PTPRO: variants seen among roughly 807,000 people sequenced by gnomAD.
PTPRO encodes the protein receptor-type tyrosine-protein phosphatase O.
A neutral mutation model predicts 145.2 loss-of-function variants in PTPRO; 62 were observed. That is an observed-to-expected ratio of 0.43 (90% CI 0.35 to 0.53). The LOEUF (loss-of-function observed/expected upper bound fraction) is 0.53, where lower values mean the gene tolerates loss of function less well. Among genes scored for constraint, PTPRO ranks in the 20% least tolerant of loss-of-function variants. PTPRO has a pLI of 0.01. For synonymous variants in PTPRO, 565 were observed against 514.7 expected (o/e 1.10, Z -1.32); for missense variants, 1,345 against 1,482.7 (o/e 0.91, Z 1.53).
chr12:15,369,578 C>A (rs759533015), intron 1 of PTPRO, among the ~76,000 whole-genome samples: 4 of 152,260 alleles, frequency 2.6e-5, no homozygotes, highest in South Asian at 4.1e-4. Flanking sequence ...TGATACCTAA[C>A]GTAAACTACA....
intron 13 of PTPRO, among the ~76,000 whole-genome samples, 179 bp from the exon 14 acceptor site, chr12:15,548,915 A>G (rs960799609): frequency 2.0e-5 from 3 of 152,166 alleles, no homozygotes; most frequent in Admixed American, 6.6e-5. Context: ...TGCTGCTTCC[A>G]TGGAAGGGAA....
intron 12 of PTPRO, among the ~76,000 whole-genome samples, chr12:15,532,188 G>T (rs547625993): frequency 6.6e-6 from 1 of 152,116 alleles, no homozygotes; most frequent in African/African-American, 2.4e-5. Flanking sequence ...AATTGTATAG[G>T]TAATTTGGAA....
chr12:15,577,991 C>T (rs1944223785), intron 19 of PTPRO, among the ~76,000 whole-genome samples: 1 of 152,172 alleles, frequency 6.6e-6, no homozygotes, highest in African/African-American at 2.4e-5. Flanking sequence ...CATCAGTTCA[C>T]CTTCTGAAAT....
chr12:15,518,043 G>A (rs1942636262), intron 9 of PTPRO, among the ~76,000 whole-genome samples: 1 of 152,218 alleles, frequency 6.6e-6, no homozygotes, highest in Non-Finnish European at 1.5e-5. Context: ...CTAGCAGAGG[G>A]CATGAGGTCC....
chr12:15,516,737 T>A, intron 8 of PTPRO, 26 bp from the exon 9 acceptor site: 2 of 1,566,486 alleles, frequency 1.3e-6, no homozygotes, highest in Non-Finnish European at 1.8e-6. Flanking sequence ...ACTTTCTTTT[T>A]CTACCCCCTG....
At position 15,547,659 on chromosome 12, in the gene PTPRO, C is replaced by G. The variant is rs143411067; in HGVS notation, c.2304+951C>G. On this transcript the variant is annotated intron_variant, in intron 13 of 26. Transcript: ENST00000281171. Reference sequence around the variant, plus strand: ...GCTGAATTTTCTCTATTCTAAGAATCCTTTTGGAAAATAACTGCTCTGCCA... The same window carrying G: ...GCTGAATTTTCTCTATTCTAAGAATGCTTTTGGAAAATAACTGCTCTGCCA... Among the ~76,000 whole-genome samples the G allele has an allele frequency of 3.1e-4, 47 of 152,244 alleles. No homozygotes were observed. The East Asian group carries it at 7.5e-3, about 24-fold the overall frequency.
At chr12:15,511,950 C>A (rs909107267) in intron 7 of PTPRO, among the ~76,000 whole-genome samples, 7 of 152,196 alleles carry the variant, frequency 4.6e-5, no homozygotes, top group Non-Finnish European at 8.8e-5. Context: ...AAGAAAGGAA[C>A]CTTAACATCA....
intron 1 of PTPRO, among the ~76,000 whole-genome samples, chr12:15,448,790 A>G (rs190627151): frequency 2.0e-5 from 3 of 152,286 alleles, no homozygotes; most frequent in Non-Finnish European, 4.4e-5. Flanking sequence ...CTGTTGATTG[A>G]AAAATTGATT....
At chr12:15,445,525 A>G (rs1480013960) in intron 1 of PTPRO, among the ~76,000 whole-genome samples, 1 of 152,144 alleles carries the variant, frequency 6.6e-6, no homozygotes. Context: ...TTAAAGCATT[A>G]TGTGTCAAAA....
At chr12:15,394,686 G>A (rs1293184694) in intron 1 of PTPRO, among the ~76,000 whole-genome samples, 5 of 152,188 alleles carry the variant, frequency 3.3e-5, no homozygotes, top group African/African-American at 1.2e-4. Flanking sequence ...ATGGGACAAG[G>A]TGGGGATGCA....
chr12:15,367,993 C>G (rs998857156), intron 1 of PTPRO, among the ~76,000 whole-genome samples: 2 of 152,182 alleles, frequency 1.3e-5, no homozygotes, highest in Non-Finnish European at 2.9e-5. Context: ...AGACTGCTTA[C>G]TTTACTCATT....
chr12:15,526,033 C>T (rs1942830011), intron 11 of PTPRO, 109 bp from the exon 12 acceptor site: 3 of 1,350,574 alleles, frequency 2.2e-6, no homozygotes, highest in Non-Finnish European at 3.2e-6. Flanking sequence ...TTGCAGACTG[C>T]TGCATAGAAC....
intron 19 of PTPRO, among the ~76,000 whole-genome samples, chr12:15,573,742 C>A (rs1944114084): frequency 6.6e-6 from 1 of 152,148 alleles, no homozygotes; most frequent in Non-Finnish European, 1.5e-5. Context: ...TATTACCAGT[C>A]CTCAGTCCCA....
At chr12:15,442,907 C>A (rs74495456) in intron 1 of PTPRO, among the ~76,000 whole-genome samples, 7,578 of 152,100 alleles carry the variant, frequency 0.05, 579 homozygotes, top group African/African-American at 0.16. Context: ...CCAAAGCAAT[C>A]TACACTTTTA....
chr12:15,501,668 A>G lies in PTPRO; in HGVS notation c.710A>G (p.Lys237Arg), dbSNP rs1176140921. The G allele has an allele frequency of 1.2e-6, 2 of 1,613,946 alleles. No homozygotes were observed. Among genetic ancestry groups the G allele is most frequent in the Non-Finnish European group, 1.7e-6 (2 of 1,179,976 alleles). The change falls in exon 5 of 27, where the codon AAA (lysine) becomes AGA (arginine). Residue 237 changes from lysine (K) to arginine (R), a missense_variant. This residue lies in a region of PTPRO where 1,130 missense variants were observed against 1,214.7 expected (regional missense o/e 0.93). Coordinates refer to ENST00000281171, the MANE Select transcript of PTPRO (RefSeq NM_030667.3). The stretch of plus-strand genomic sequence containing the variant: ...TCCGTTCGTATCGTAAACTTGAACA[A>G]AAACAACTGGGAAGAACAGAGTGGC... ...NISVRIVNLN[K>R]NNWEEQSGNF...
chr12:15,432,910 A>C (rs1213463860), intron 1 of PTPRO, among the ~76,000 whole-genome samples: 2 of 152,148 alleles, frequency 1.3e-5, no homozygotes, highest in African/African-American at 2.4e-5. Context: ...TCTTTGTCAG[A>C]TACACAGTTT....
intron 12 of PTPRO, among the ~76,000 whole-genome samples, chr12:15,538,191 C>T (rs1279316710): frequency 1.3e-5 from 2 of 151,948 alleles, no homozygotes; most frequent in Non-Finnish European, 2.9e-5. Flanking sequence ...CTGAGTGTCA[C>T]CATGGTTTGT....
intron 19 of PTPRO, among the ~76,000 whole-genome samples, chr12:15,575,306 C>T (rs903008885): frequency 6.6e-6 from 1 of 152,166 alleles, no homozygotes; most frequent in Non-Finnish European, 1.5e-5. Context: ...AGAGGAGAGG[C>T]CAGGTTCCTT....
chr12:15,408,564 A>T (rs1939708121), intron 1 of PTPRO, among the ~76,000 whole-genome samples: 1 of 152,050 alleles, frequency 6.6e-6, no homozygotes, highest in African/African-American at 2.4e-5. Flanking sequence ...AGTAGCTGGG[A>T]CTACAGGCGC....
Sources: gnomAD v4.1 joint callset for allele counts (sites outside exome capture counted in the v4.1 genomes callset) on GRCh38, gnomAD v4.1.1 for gene constraint, gnomAD v4.1.1 regional missense constraint, MANE v1.5 for transcripts, NCBI Gene and HGNC (gene_info 2026-07-23, HGNC 2026-07-21) for gene names.